The following IGBP1 variants were observed in gnomAD, a reference collection of about 807,000 sequenced individuals.
IGBP1 encodes the protein immunoglobulin-binding protein 1.
Under a neutral mutation model 25.9 loss-of-function variants are expected in IGBP1, and 2 were observed. The ratio of observed to expected loss-of-function variants is 0.08; its 90% CI spans 0.03 to 0.24. IGBP1 has a LOEUF of 0.24. Among genes scored for constraint, IGBP1 ranks in the 10% least tolerant of loss-of-function variants. The pLI, the probability that IGBP1 is intolerant of heterozygous loss-of-function variation, is 1.00. For missense variants in IGBP1, 187 were observed against 260.4 expected (o/e 0.72, Z 1.94); for synonymous variants, 96 against 93.4 (o/e 1.03, Z -0.16).
Position 70,133,937 on chromosome X carries a change from C to T in IGBP1, c.-11C>T, listed in dbSNP as rs757792276. 8 of 1,208,857 alleles carry T rather than the reference C, an allele frequency of 6.6e-6. No homozygotes were observed. The highest frequency in any genetic ancestry group is 1.8e-5 in the South Asian group (1 of 56,741). ...CGGAAAAGAGATCTTCCGGGTTCCTCTCTCCCCAAGATGGCTGCTGAGGAC... is the reference window on the plus strand; with the variant it reads ...CGGAAAAGAGATCTTCCGGGTTCCTTTCTCCCCAAGATGGCTGCTGAGGAC... On this transcript the variant is annotated 5_prime_UTR_variant, in exon 2 of 7. Transcript: ENST00000356413.
At chrX:70,142,916 G>GTT (rs772662468) in intron 3 of IGBP1, among the ~76,000 whole-genome samples, 398 of 48,815 alleles carry the variant, frequency 8.2e-3, no homozygotes, top group Non-Finnish European at 8.7e-3. Flanking sequence ...TTATCGAGTT[G>GTT]TTTTTTTTTT....
intron 3 of IGBP1, among the ~76,000 whole-genome samples, chrX:70,145,255 GT>G (rs58263765): frequency 9.0e-6 from 1 of 110,542 alleles, no homozygotes; most frequent in Admixed American, 9.7e-5. Flanking sequence ...AAATCTTGAT[GT>G]TTTTCCTTGA....
chrX:70,153,839 C>T (rs1428942596), intron 6 of IGBP1, among the ~76,000 whole-genome samples: 1 of 111,058 alleles, frequency 9.0e-6, no homozygotes, highest in African/African-American at 3.3e-5. Context: ...TAGGGTTGCT[C>T]ACAACAGCTT....
chrX:70,166,279 GA>G lies in IGBP1; in HGVS notation c.*304del, dbSNP rs1368077872. 3 of 226,967 alleles carry G rather than the reference GA, an allele frequency of 1.3e-5. No homozygotes were observed. The highest frequency in any genetic ancestry group is 2.4e-5 in the Non-Finnish European group (3 of 126,855). The allele number at this position is 226,967 out of a possible 1,213,427, so 18.7% of individuals were successfully genotyped here. A position where few individuals can be genotyped will look rare whatever the true frequency, so the allele number is the denominator to read the frequency against. On this transcript the variant is annotated 3_prime_UTR_variant, in exon 7 of 7. Transcript: ENST00000356413. ...TAATCTATGGCTATCCGAATTCTCT[GA>G]AAAAATAATAAAAGTCCCCTCTATT...
At chrX:70,160,524 A>G (rs1437257032) in intron 6 of IGBP1, among the ~76,000 whole-genome samples, 1 of 112,236 alleles carries the variant, frequency 8.9e-6, no homozygotes, top group East Asian at 2.8e-4. Flanking sequence ...CTGACTTTCA[A>G]GTATAAAGAG....
intron 3 of IGBP1, among the ~76,000 whole-genome samples, chrX:70,145,712 C>T (rs756207882): frequency 7.2e-5 from 8 of 111,656 alleles, no homozygotes; most frequent in Non-Finnish European, 1.3e-4. Context: ...TCAGGCCAGG[C>T]ACGCTCCCAC....
At chrX:70,157,708 G>A (rs1403642395) in intron 6 of IGBP1, among the ~76,000 whole-genome samples, 1 of 111,970 alleles carries the variant, frequency 8.9e-6, no homozygotes, top group Non-Finnish European at 1.9e-5. Context: ...TCAACAAACA[G>A]GTGATACTTG....
chrX:70,134,766 T>G lies in IGBP1; in HGVS notation c.432T>G (p.Ala144=). 1 of 1,211,676 alleles carries G rather than the reference T, an allele frequency of 8.3e-7. No homozygotes were observed. Among genetic ancestry groups the G allele is most frequent in the Middle Eastern group, 2.3e-4 (1 of 4,354 alleles). The change falls in exon 3 of 7, where the codon GCT becomes GCG. Residue 144 remains alanine (A), a synonymous_variant. Transcript: ENST00000356413. ...ATCACACTGCCAATTCCTCCATGGCTTATCCTAGTCTCGTTGCTATGGCAT... is the reference window on the plus strand; with the variant it reads ...ATCACACTGCCAATTCCTCCATGGCGTATCCTAGTCTCGTTGCTATGGCAT... The part of the protein sequence containing the change: ...AENHTANSSM[A]YPSLVAMASQ...
intron 6 of IGBP1, among the ~76,000 whole-genome samples, chrX:70,160,506 T>C (rs978856531): frequency 8.9e-6 from 1 of 112,184 alleles, no homozygotes; most frequent in African/African-American, 3.2e-5. Context: ...ACATTATACC[T>C]GGTAAAACTG....
chrX:70,143,330 G>T (rs963903299), intron 3 of IGBP1, among the ~76,000 whole-genome samples: 3 of 112,192 alleles, frequency 2.7e-5, no homozygotes, highest in African/African-American at 6.5e-5. Context: ...CACCATTCCC[G>T]GCCAGTTACA....
chrX:70,152,860 G>A (rs1279783813), intron 6 of IGBP1, among the ~76,000 whole-genome samples: 2 of 111,716 alleles, frequency 1.8e-5, no homozygotes, highest in Non-Finnish European at 3.8e-5. Flanking sequence ...TATGTACAAA[G>A]GTCTCATGTA....
chrX:70,159,699 C>G (rs1000767552), intron 6 of IGBP1, among the ~76,000 whole-genome samples: 1 of 111,463 alleles, frequency 9.0e-6, no homozygotes, highest in African/African-American at 3.3e-5. Flanking sequence ...GGGCATAGTA[C>G]TGGCATGGCT....
At position 70,147,254 on chromosome X, in the gene IGBP1, C is replaced by T. The variant is rs752894112; in HGVS notation, c.678+426C>T. On this transcript the variant is annotated intron_variant, in intron 4 of 6. Transcript: ENST00000356413. The stretch of plus-strand genomic sequence containing the variant: ...TTTGAGACCAGCCTGGCCAACATGG[C>T]GAAACCCCCTCTACTAAAAATAGCC... Among the ~76,000 whole-genome samples the T allele has an allele frequency of 6.3e-5, 7 of 110,809 alleles. No homozygotes were observed. The South Asian group carries it at 1.2e-3, about 18-fold the overall frequency.
intron 6 of IGBP1, among the ~76,000 whole-genome samples, chrX:70,156,306 A>C (rs2147586290): frequency 9.6e-6 from 1 of 104,099 alleles, no homozygotes; most frequent in East Asian, 2.8e-4. Context: ...AAAAAAAAAA[A>C]AAAGTCTCTG....
chrX:70,155,193 T>C (rs2147585201), intron 6 of IGBP1, among the ~76,000 whole-genome samples: 2 of 111,862 alleles, frequency 1.8e-5, no homozygotes, highest in Admixed American at 9.5e-5. Context: ...AGACACAGAT[T>C]GGTTACAAAT....
At chrX:70,163,507 G>A (rs1372413410) in intron 6 of IGBP1, among the ~76,000 whole-genome samples, 3 of 111,690 alleles carry the variant, frequency 2.7e-5, no homozygotes, top group African/African-American at 6.5e-5. Flanking sequence ...TGAGGGGAAG[G>A]CTCTCTTTGT....
intron 6 of IGBP1, among the ~76,000 whole-genome samples, chrX:70,163,312 G>C (rs956312520): frequency 1.8e-5 from 2 of 110,630 alleles, no homozygotes; most frequent in African/African-American, 6.6e-5. Flanking sequence ...TCCCACCTCA[G>C]CCTCTCAAAG....
chrX:70,140,597 T>G (rs1373482489), intron 3 of IGBP1, among the ~76,000 whole-genome samples: 1 of 112,413 alleles, frequency 8.9e-6, no homozygotes, highest in Non-Finnish European at 1.9e-5. Flanking sequence ...TTATTTACTT[T>G]CCAGAAGTCC....
rs1186624832 is a variant in IGBP1, at chrX:70,154,294, G to A, written c.871+3972G>A. On this transcript the variant is annotated intron_variant, in intron 6 of 6. Coordinates refer to ENST00000356413, the MANE Select transcript of IGBP1 (RefSeq NM_001551.3). The stretch of plus-strand genomic sequence containing the variant: ...TCATTGTGTTAGCCAGGATAGTCTC[G>A]ATCTCCTGACCTTGTGATCCGCCCG... Among the ~76,000 whole-genome samples, 4 of 105,161 alleles carry A rather than the reference G, an allele frequency of 3.8e-5. No homozygotes were observed. In the South Asian group the frequency reaches 1.3e-3, roughly 34 times the overall value. 91.3% of individuals were successfully genotyped at this position (105,161 alleles called of 115,157 possible). A position where few individuals can be genotyped will look rare whatever the true frequency, so the allele number is the denominator to read the frequency against.
Sources: allele counts gnomAD v4.1 joint callset (sites outside exome capture counted in the v4.1 genomes callset), GRCh38; gene constraint gnomAD v4.1.1; transcripts MANE v1.5; gene names NCBI Gene and HGNC (gene_info 2026-07-23, HGNC 2026-07-21).